EVI5L: variants seen among roughly 807,000 people sequenced by gnomAD.
EVI5L encodes the protein ecotropic viral integration site 5 like, also known as EVI5-like protein.
EVI5L carries 30 observed loss-of-function variants against 106.1 expected under a neutral mutation model. The observed-to-expected ratio is 0.28, with a 90% CI of 0.21 to 0.38. The LOEUF is 0.38. Among genes scored for constraint, EVI5L ranks in the 10% least tolerant of loss-of-function variants. The pLI, the probability that EVI5L is intolerant of heterozygous loss-of-function variation, is 1.00. For synonymous variants in EVI5L, 489 were observed against 483.3 expected (o/e 1.01, Z -0.15); for missense variants, 809 against 1,098.0 (o/e 0.74, Z 3.72).
chr19:7,857,893 A>C lies in EVI5L; in HGVS notation c.1234-298A>C. Reference sequence around the variant, plus strand: ...ACAGGTGGCCTCGCTGTGCCCCTGGATAAGGATCCCAACTGGGGCAGAGAC... The same window carrying C: ...ACAGGTGGCCTCGCTGTGCCCCTGGCTAAGGATCCCAACTGGGGCAGAGAC... On this transcript the variant is annotated intron_variant, in intron 12 of 19. Transcript: ENST00000538904. This position sits in a 1 kb window ranked among gnomAD's most constrained non-coding sequence, Gnocchi z 4.5. 2.6e-6 allele frequency: 1 copy of C among 387,552 alleles called. No homozygotes were observed. 24.0% of individuals were successfully genotyped at this position (387,552 alleles called of 1,614,324 possible).
chr19:7,851,544 C>T lies in EVI5L; in HGVS notation c.864C>T (p.Val288=), dbSNP rs764556610. 1.5e-5 allele frequency: 25 copies of T among 1,612,966 alleles called. No individual in the cohort carries two copies. The highest frequency in any genetic ancestry group is 2.2e-5 in the East Asian group (1 of 44,840). The change falls in exon 7 of 20, where the codon GTC becomes GTT. Residue 288 remains valine (V), a synonymous_variant. Coordinates refer to ENST00000538904, the MANE Select transcript of EVI5L (RefSeq NM_001159944.3). Reference sequence around the variant, plus strand: ...TCCTGACCACCTTCCCACTCCCCGTCGCCACCCGGGTCTTTGACATCTTCA... The same window carrying T: ...TCCTGACCACCTTCCCACTCCCCGTTGCCACCCGGGTCTTTGACATCTTCA... ...TLFLTTFPLP[V]ATRVFDIFMY... is the part of the protein sequence containing the mutation.
intron 17 of EVI5L, 65 bp downstream of exon 17, chr19:7,862,599 C>G (rs1979873084): frequency 7.7e-7 from 1 of 1,304,302 alleles, no homozygotes; most frequent in Admixed American, 3.8e-5. Flanking sequence ...TACATGAGGC[C>G]CCGCCCCCAA....
intron 10 of EVI5L, among the ~76,000 whole-genome samples, chr19:7,855,166 C>CAGT (rs1213581293): frequency 6.8e-6 from 1 of 146,870 alleles, no homozygotes; most frequent in African/African-American, 2.5e-5. Flanking sequence ...ACCCAGGCTG[C>CAGT]AGTGCAGTGA....
chr19:7,840,827 C>T (rs1978566050), intron 1 of EVI5L, among the ~76,000 whole-genome samples: 1 of 152,068 alleles, frequency 6.6e-6, no homozygotes, highest in South Asian at 2.1e-4. Flanking sequence ...AGTAATATTC[C>T]ACTGTCTGGG....
chr19:7,860,016 GT>G (rs1180057784), intron 13 of EVI5L, among the ~76,000 whole-genome samples: 1 of 152,234 alleles, frequency 6.6e-6, no homozygotes, highest in African/African-American at 2.4e-5. Context: ...TCAGGTCCAG[GT>G]GGCAGTGTCC....
chr19:7,862,465 T>C lies in EVI5L; in HGVS notation c.1878T>C (p.Ala626=). The change falls in exon 17 of 20, where the codon GCT becomes GCC. Residue 626 remains alanine, a synonymous_variant. Coordinates refer to ENST00000538904, the MANE Select transcript of EVI5L (RefSeq NM_001159944.3). ...TGCAGGAGAAGCTGCAGTACCTGGC[T>C]GCACAGAACAAGGGGCTGCAGACGC... is the stretch of plus-strand genomic sequence containing the variant. The part of the protein sequence containing the change: ...AALQEKLQYL[A]AQNKGLQTQL... The C allele has an allele frequency of 1.2e-6, 2 of 1,607,398 alleles. No homozygotes were observed. The highest frequency in any genetic ancestry group is 1.7e-6 in the Non-Finnish European group (2 of 1,177,724).
rs1979637224 is a variant in EVI5L, at chr19:7,858,347, C to T, written c.1374+16C>T. 6.5e-6 allele frequency: 10 copies of T among 1,538,992 alleles called. No homozygotes were observed. Among genetic ancestry groups the T allele is most frequent in the South Asian group, 4.8e-5 (4 of 83,676 alleles). The stretch of plus-strand genomic sequence containing the variant: ...GGAGCAGCAGGTAGGGGCGGGTGTG[C>T]GGGGCTGCTGGGCGGGGCCATGACC... On this transcript the variant is annotated intron_variant, in intron 13 of 19. Coordinates refer to ENST00000538904, the MANE Select transcript of EVI5L (RefSeq NM_001159944.3). The surrounding 1 kb of genome is among the most constrained non-coding windows in gnomAD (Gnocchi z 5.7).
At position 7,845,009 on chromosome 19, in the gene EVI5L, T is replaced by G. The variant is rs1401021610; in HGVS notation, c.-47-1487T>G. ...AAGGTGCCCAGTGACCCAACGGTAGTCAGGCAGGTATAGAGTGGTCTGCTA... is the reference window on the plus strand; with the variant it reads ...AAGGTGCCCAGTGACCCAACGGTAGGCAGGCAGGTATAGAGTGGTCTGCTA... On this transcript the variant is annotated intron_variant, in intron 1 of 19. Transcript: ENST00000538904. This position sits in a 1 kb window ranked among gnomAD's most constrained non-coding sequence, Gnocchi z 4.0. Among the ~76,000 whole-genome samples the G allele has an allele frequency of 6.6e-6, 1 of 151,974 alleles. No homozygotes were observed. The highest frequency in any genetic ancestry group is 1.5e-5 in the Non-Finnish European group (1 of 67,972).
chr19:7,852,992 G>A (rs929129144), intron 8 of EVI5L, 94 bp from the exon 9 acceptor site: 18 of 1,266,720 alleles, frequency 1.4e-5, no homozygotes, highest in Middle Eastern at 1.9e-4. Flanking sequence ...GGGCAGACCC[G>A]TTCCTGCCCC....
chr19:7,860,743 G>C, intron 14 of EVI5L, 54 bp downstream of exon 14: 3 of 1,515,434 alleles, frequency 2.0e-6, no homozygotes, highest in Non-Finnish European at 2.7e-6. Context: ...GGCACAGGAG[G>C]GGTCCTGGAT....
chr19:7,849,905 A>G, intron 5 of EVI5L, 92 bp from the exon 6 acceptor site: 1 of 1,018,460 alleles, frequency 9.8e-7, no homozygotes, highest in Middle Eastern at 3.1e-4. Context: ...CGACATGGAC[A>G]TGGGCCCCTG....
chr19:7,853,000 C>G, intron 8 of EVI5L, 86 bp from the exon 9 acceptor site: 1 of 1,359,804 alleles, frequency 7.4e-7, no homozygotes, highest in East Asian at 2.3e-5. Context: ...CCGTTCCTGC[C>G]CCCCTCCAGG....
intron 10 of EVI5L, among the ~76,000 whole-genome samples, chr19:7,855,119 T>C (rs568224635): frequency 8.0e-5 from 12 of 150,516 alleles, no homozygotes; most frequent in African/African-American, 2.7e-4. Context: ...TTTTTCTTTT[T>C]TTTTTTTTTT....
chr19:7,864,037 C>G lies in EVI5L; in HGVS notation c.*335C>G. 2 of 299,372 alleles carry G rather than the reference C, an allele frequency of 6.7e-6. No homozygotes were observed. 18.5% of individuals were successfully genotyped at this position (299,372 alleles called of 1,614,324 possible). Reference sequence around the variant, plus strand: ...GACAGACGACCCAGAGGTCCCAGCACTGAATGAGCAGGCAGCTCCCACCTC... The same window carrying G: ...GACAGACGACCCAGAGGTCCCAGCAGTGAATGAGCAGGCAGCTCCCACCTC... On this transcript the variant is annotated 3_prime_UTR_variant, in exon 20 of 20. Coordinates refer to ENST00000538904, the MANE Select transcript of EVI5L (RefSeq NM_001159944.3). The surrounding 1 kb of genome is among the most constrained non-coding windows in gnomAD (Gnocchi z 4.5).
At chr19:7,846,780 T>C (rs1037559707) in intron 2 of EVI5L, 101 bp downstream of exon 2, 19 of 1,454,716 alleles carry the variant, frequency 1.3e-5, no homozygotes, top group Non-Finnish European at 1.7e-5. Flanking sequence ...GCCCAGTGTG[T>C]GCAATGTGAC....
chr19:7,849,970 G>C (rs527377964), intron 5 of EVI5L, 27 bp from the exon 6 acceptor site: 2 of 1,564,876 alleles, frequency 1.3e-6, no homozygotes, highest in African/African-American at 2.7e-5. Context: ...GCTGCCCTGA[G>C]CCCCCCCACC....
chr19:7,858,353 TGCTGGGCGGGGCC>T lies in EVI5L; in HGVS notation c.1374+23_1374+35del, dbSNP rs753279851. 127 of 1,537,608 alleles carry T rather than the reference TGCTGGGCGGGGCC, an allele frequency of 8.3e-5. No homozygotes were observed. The highest frequency in any genetic ancestry group is 3.9e-5 in the Non-Finnish European group (45 of 1,144,418). ...GCAGGTAGGGGCGGGTGTGCGGGGC[TGCTGGGCGGGGCC>T]ATGACCCGCGCCCCCGCCCCCGCCC... On this transcript the variant is annotated intron_variant, in intron 13 of 19. Coordinates refer to ENST00000538904, the MANE Select transcript of EVI5L (RefSeq NM_001159944.3). The surrounding 1 kb of genome is among the most constrained non-coding windows in gnomAD (Gnocchi z 5.7).
chr19:7,860,719 C>CG lies in EVI5L; in HGVS notation c.1503+36dup, dbSNP rs778392693. ...AATGGGGAGGCAGACGGGCAGGTGT[C>CG]GGGGGGACCCTGGGGCACAGGAGGG... is the stretch of plus-strand genomic sequence containing the variant. On this transcript the variant is annotated intron_variant, in intron 14 of 19. Transcript: ENST00000538904. 5.0e-5 allele frequency: 78 copies of CG among 1,548,812 alleles called. No homozygotes were observed. The Admixed American group carries it at 1.4e-3, about 28-fold the overall frequency.
intron 13 of EVI5L, chr19:7,859,206 A>AG (rs1267013255): frequency 7.2e-5 from 11 of 151,830 alleles, no homozygotes; most frequent in Admixed American, 2.0e-4. Flanking sequence ...AAAAAAAAAA[A>AG]AAAACTTAAC....
Sources: allele counts gnomAD v4.1 joint callset (sites outside exome capture counted in the v4.1 genomes callset), GRCh38; gene constraint gnomAD v4.1.1; non-coding constraint Gnocchi (gnomAD v3.1); transcripts MANE v1.5; gene names NCBI Gene and HGNC (gene_info 2026-07-23, HGNC 2026-07-21).